The following CDH12 variants were observed in gnomAD, a reference collection of about 807,000 sequenced individuals.
The protein encoded by CDH12 is cadherin 12.
A neutral mutation model predicts 74.1 loss-of-function variants in CDH12; 41 were observed. The ratio of observed to expected loss-of-function variants is 0.55; its 90% CI spans 0.43 to 0.72. The LOEUF (loss-of-function observed/expected upper bound fraction) is 0.72. Ranked by LOEUF, CDH12 falls within the 30% of genes least tolerant of loss-of-function variation. The pLI is 0.00. For missense variants in CDH12, 945 were observed against 977.2 expected (o/e 0.97, Z 0.44); for synonymous variants, 399 against 355.0 (o/e 1.12, Z -1.39).
intron 2 of CDH12, among the ~76,000 whole-genome samples, chr5:22,406,095 G>A (rs1023396735): frequency 1.3e-5 from 2 of 152,012 alleles, no homozygotes; most frequent in African/African-American, 4.8e-5. Flanking sequence ...TGAATCCATA[G>A]GTACAGAATC....
chr5:22,168,991 T>A (rs901356827), intron 4 of CDH12, among the ~76,000 whole-genome samples: 4 of 150,132 alleles, frequency 2.7e-5, no homozygotes, highest in African/African-American at 9.8e-5. Context: ...ACAACTACAC[T>A]AGATGCATTT....
intron 1 of CDH12, among the ~76,000 whole-genome samples, chr5:22,789,286 T>C (rs1411315390): frequency 6.6e-6 from 1 of 152,046 alleles, no homozygotes; most frequent in Non-Finnish European, 1.5e-5. Flanking sequence ...TCACATATTA[T>C]AAGCAGTTAA....
At chr5:22,745,266 T>A (rs1204496020) in intron 1 of CDH12, among the ~76,000 whole-genome samples, 1 of 150,110 alleles carries the variant, frequency 6.7e-6, no homozygotes, top group Non-Finnish European at 1.5e-5. Flanking sequence ...CAAATAAGCA[T>A]TCCATTGAGA....
chr5:21,859,320 A>G (rs560952602), intron 6 of CDH12, among the ~76,000 whole-genome samples: 33 of 152,068 alleles, frequency 2.2e-4, no homozygotes, highest in African/African-American at 7.9e-4. Flanking sequence ...ACAGGGGAGC[A>G]GGAAGAAGAA....
At chr5:22,117,472 T>G in intron 4 of CDH12, among the ~76,000 whole-genome samples, 1 of 65,402 alleles carries the variant, frequency 1.5e-5, no homozygotes, top group African/African-American at 6.3e-5. Flanking sequence ...ATATATAATA[T>G]ATATATTATA....
chr5:22,089,253 G>A (rs1743271156), intron 4 of CDH12, among the ~76,000 whole-genome samples: 1 of 152,144 alleles, frequency 6.6e-6, no homozygotes, highest in Non-Finnish European at 1.5e-5. Flanking sequence ...GAAAGGGACT[G>A]GTGGTTCAGT....
intron 2 of CDH12, among the ~76,000 whole-genome samples, chr5:22,504,684 GT>G (rs1258284964): frequency 6.6e-6 from 1 of 152,036 alleles, no homozygotes; most frequent in Admixed American, 6.6e-5. Context: ...AAATCTCAGT[GT>G]TTAGATTCCT....
At chr5:22,452,901 A>AAAAAAAAAT (rs1561415313) in intron 2 of CDH12, among the ~76,000 whole-genome samples, 17 of 125,918 alleles carry the variant, frequency 1.4e-4, no homozygotes, top group South Asian at 2.4e-4. Flanking sequence ...AAAAAAAAAA[A>AAAAAAAAAT]AAATGAGTTA....
At chr5:21,821,607 T>C (rs1338446380) in intron 8 of CDH12, among the ~76,000 whole-genome samples, 2 of 152,064 alleles carry the variant, frequency 1.3e-5, no homozygotes, top group East Asian at 3.9e-4. Context: ...ATAATTCATA[T>C]TTAATAATAC....
intron 6 of CDH12, among the ~76,000 whole-genome samples, chr5:21,872,971 A>G (rs1751724765): frequency 6.6e-6 from 1 of 150,620 alleles, no homozygotes; most frequent in African/African-American, 2.4e-5. Flanking sequence ...GTTTTAAGTA[A>G]AAGAAAAAAA....
chr5:22,463,778 G>T (rs1225917417), intron 2 of CDH12, among the ~76,000 whole-genome samples: 1 of 151,996 alleles, frequency 6.6e-6, no homozygotes, highest in African/African-American at 2.4e-5. Flanking sequence ...ATTGTTAAAT[G>T]ATTTCAAAGT....
intron 1 of CDH12, among the ~76,000 whole-genome samples, chr5:22,811,040 TATAC>T (rs199736702): frequency 0.018 from 2,670 of 151,668 alleles, 81 homozygotes; most frequent in African/African-American, 0.061. Context: ...TACATAAATA[TATAC>T]ATACATACAC....
chr5:22,624,219 C>T (rs2126845631), intron 1 of CDH12, among the ~76,000 whole-genome samples: 1 of 152,252 alleles, frequency 6.6e-6, no homozygotes, highest in Middle Eastern at 3.4e-3. Context: ...TAGAAGAAAA[C>T]CTAGGCAATA....
chr5:22,225,159 T>G (rs1405042587), intron 3 of CDH12, among the ~76,000 whole-genome samples: 1 of 152,082 alleles, frequency 6.6e-6, no homozygotes, highest in Admixed American at 6.6e-5. Flanking sequence ...CCTCTGTCTG[T>G]GACATTCCCA....
intron 4 of CDH12, among the ~76,000 whole-genome samples, chr5:22,160,694 A>G (rs1748292998): frequency 6.6e-6 from 1 of 152,076 alleles, no homozygotes; most frequent in Non-Finnish European, 1.5e-5. Context: ...CGTAGGTCAC[A>G]CCTTTTGGCT....
intron 6 of CDH12, among the ~76,000 whole-genome samples, chr5:21,970,839 C>CAAAAAAAAAAAAAAAAAATAAAAAAA (rs1756815263): frequency 3.6e-5 from 1 of 27,788 alleles, no homozygotes; most frequent in Non-Finnish European, 6.2e-5. Flanking sequence ...GACTCTTTCT[C>CAAAAAAAAAAAAAAAAAATAAAAAAA]AAAAAAAAAA....
At chr5:22,650,004 G>T (rs1289415212) in intron 1 of CDH12, among the ~76,000 whole-genome samples, 2 of 151,888 alleles carry the variant, frequency 1.3e-5, no homozygotes, top group Non-Finnish European at 2.9e-5. Flanking sequence ...ATGTGCATGG[G>T]TGTCTATATA....
intron 4 of CDH12, among the ~76,000 whole-genome samples, chr5:22,164,163 G>A (rs1252723253): frequency 2.0e-5 from 3 of 152,132 alleles, no homozygotes; most frequent in African/African-American, 7.2e-5. Context: ...TTCCAAAATG[G>A]CGGCGGGCCA....
intron 3 of CDH12, among the ~76,000 whole-genome samples, chr5:22,300,325 C>T: frequency 6.6e-6 from 1 of 152,190 alleles, no homozygotes; most frequent in East Asian, 1.9e-4. Flanking sequence ...TTCCTCTCCT[C>T]TGTGTAAAAC....
Sources: allele counts gnomAD v4.1 joint callset (sites outside exome capture counted in the v4.1 genomes callset), GRCh38; gene constraint gnomAD v4.1.1; transcripts MANE v1.5; gene names NCBI Gene and HGNC (gene_info 2026-07-23, HGNC 2026-07-21).